Variants in TFG observed in about 807,000 individuals in gnomAD.
TFG encodes protein TFG.
In TFG, 22 loss-of-function variants were observed where a neutral mutation model predicts 51.4. That is an observed-to-expected ratio of 0.43 (90% CI 0.31 to 0.61). The LOEUF (loss-of-function observed/expected upper bound fraction) is 0.61. TFG is among the 20% of genes least tolerant of loss of function. The pLI, the probability that TFG is intolerant of heterozygous loss-of-function variation, is 0.12. For missense variants in TFG, 419 were observed against 487.7 expected, an observed-to-expected ratio of 0.86 and a Z score of 1.33; for synonymous variants, 187 against 165.6, an observed-to-expected ratio of 1.13 and a Z score of -0.99.
rs1284264562 is a variant in TFG, at chr3:100,709,572, G to C, written c.-193G>C. ...GTCAGCGCGATTGGCCGGGGCCCGC[G>C]CGAGCCTGCGAGCGAGGTGCGGCGG... On this transcript the variant is annotated 5_prime_UTR_variant, in exon 1 of 8. Transcript: ENST00000240851. The C allele has an allele frequency of 1.3e-5, 2 of 151,826 alleles. No homozygotes were observed. The highest frequency in any genetic ancestry group is 2.9e-5 in the Non-Finnish European group (2 of 67,990). The allele number at this position is 151,826 out of a possible 1,614,324, so 9.4% of individuals were successfully genotyped here.
At chr3:100,710,007 G>A (rs1413730996) in intron 1 of TFG, 4 of 152,144 alleles carry the variant, frequency 2.6e-5, no homozygotes, top group Non-Finnish European at 4.4e-5. Context: ...GCGCCTGGGG[G>A]GCTCCGGGAG....
At chr3:100,743,856 G>A (rs2095128122) in intron 6 of TFG, 1 of 151,056 alleles carries the variant, frequency 6.6e-6, no homozygotes, top group African/African-American at 2.4e-5. Flanking sequence ...ATAGTCTTTT[G>A]ATTAATAGGT....
chr3:100,745,879 A>C (rs1465819622), intron 7 of TFG, among the ~76,000 whole-genome samples: 1 of 152,186 alleles, frequency 6.6e-6, no homozygotes, highest in Non-Finnish European at 1.5e-5. Context: ...GGCAGAGTTG[A>C]GTAGTTGCAA....
intron 5 of TFG, among the ~76,000 whole-genome samples, chr3:100,733,960 AATT>A (rs1275371563): frequency 6.6e-6 from 1 of 152,186 alleles, no homozygotes; most frequent in East Asian, 1.9e-4. Context: ...GTTTTGAAAT[AATT>A]ATTGTTGGCT....
chr3:100,712,720 T>G (rs2095034526), intron 1 of TFG, among the ~76,000 whole-genome samples: 1 of 152,222 alleles, frequency 6.6e-6, no homozygotes, highest in African/African-American at 2.4e-5. Flanking sequence ...CAATAAAATG[T>G]TATAAATTTT....
chr3:100,733,826 A>G (rs912249897), intron 5 of TFG, among the ~76,000 whole-genome samples: 1 of 152,254 alleles, frequency 6.6e-6, no homozygotes, highest in Non-Finnish European at 1.5e-5. Flanking sequence ...CTCTAAAAGA[A>G]AAAGGTATTT....
chr3:100,734,101 A>T (rs1193411126), intron 5 of TFG, among the ~76,000 whole-genome samples: 1 of 147,754 alleles, frequency 6.8e-6, no homozygotes, highest in Non-Finnish European at 1.5e-5. Context: ...GCCTTTGTGT[A>T]GGCTTGTGGT....
chr3:100,729,241 T>C (rs893771335), intron 4 of TFG, among the ~76,000 whole-genome samples: 1 of 152,212 alleles, frequency 6.6e-6, no homozygotes, highest in Non-Finnish European at 1.5e-5. Flanking sequence ...ACCTTGGGAA[T>C]TGAAAATCAT....
chr3:100,717,781 G>A (rs13318765), intron 2 of TFG, among the ~76,000 whole-genome samples: 4,005 of 152,094 alleles, frequency 0.026, 176 homozygotes, highest in African/African-American at 0.091. Flanking sequence ...AAGGGTTTTG[G>A]TAGAGTTTTT....
At chr3:100,734,217 C>T (rs537758183) in intron 5 of TFG, among the ~76,000 whole-genome samples, 1 of 152,134 alleles carries the variant, frequency 6.6e-6, no homozygotes, top group East Asian at 1.9e-4. Flanking sequence ...GTTTTGATAA[C>T]TTTCACATAC....
intron 6 of TFG, among the ~76,000 whole-genome samples, chr3:100,736,940 T>C (rs925999062): frequency 6.6e-6 from 1 of 152,190 alleles, no homozygotes; most frequent in Non-Finnish European, 1.5e-5. Flanking sequence ...TCTATGAATA[T>C]AGATACAGAG....
At position 100,736,607 on chromosome 3, in the gene TFG, A is replaced by G. The variant is rs759899065; in HGVS notation, c.612A>G (p.Ser204=). Residue 204 remains serine (S), a synonymous_variant, in exon 6 of 8, where the codon TCA becomes TCG. Coordinates refer to ENST00000240851, the MANE Select transcript of TFG (RefSeq NM_006070.6). The part of the protein sequence containing the change: ...GPPSAPAEDR[S]GTPDSIASSS... ...CCAGTGCTCCTGCAGAAGATCGTTC[A>G]GGAACACCCGACAGCATTGCTTCCT... The G allele has an allele frequency of 1.9e-6, 3 of 1,613,976 alleles. No individual in the cohort carries two copies. Among genetic ancestry groups the G allele is most frequent in the Admixed American group, 3.3e-5 (2 of 59,940 alleles).
chr3:100,732,499 T>C lies in TFG; in HGVS notation c.416-9T>C, dbSNP rs115896544. On this transcript the variant is annotated splice_polypyrimidine_tract_variant and intron_variant, in intron 4 of 7. Coordinates refer to ENST00000240851, the MANE Select transcript of TFG (RefSeq NM_006070.6). The stretch of plus-strand genomic sequence containing the variant: ...AAACAAGTTTTTGTTTATTCCTCTA[T>C]TTTTACAGATACTGTGGATGGTAGG... 4,632 of 1,595,378 alleles carry C rather than the reference T, an allele frequency of 2.9e-3. 116 individuals are homozygous for C. The African/African-American group carries it at 0.056, about 19-fold the overall frequency.
At chr3:100,724,924 G>A (rs2095070792) in intron 3 of TFG, among the ~76,000 whole-genome samples, 1 of 152,098 alleles carries the variant, frequency 6.6e-6, no homozygotes, top group African/African-American at 2.4e-5. Flanking sequence ...TTTTTTGTGA[G>A]GCAGAGTCTC....
intron 3 of TFG, among the ~76,000 whole-genome samples, chr3:100,722,311 T>TA (rs1158518496): frequency 6.6e-5 from 10 of 152,094 alleles, no homozygotes; most frequent in Non-Finnish European, 1.2e-4. Context: ...TAGTCATAGC[T>TA]AAAAAGAGAA....
At chr3:100,714,991 G>GT (rs140172180) in intron 2 of TFG, among the ~76,000 whole-genome samples, 1,647 of 152,252 alleles carry the variant, frequency 0.011, 26 homozygotes, top group African/African-American at 0.038. Context: ...GGTTACCAGT[G>GT]TTTTTTACTG....
chr3:100,725,335 A>T (rs1471152677), intron 3 of TFG, among the ~76,000 whole-genome samples: 1 of 152,200 alleles, frequency 6.6e-6, no homozygotes, highest in Non-Finnish European at 1.5e-5. Context: ...GATACTTGGG[A>T]TAAATCTAAC....
rs201727842 is a variant in TFG at position 100,728,563 on chromosome 3, CT to C, written c.269-140del. 4.4e-3 allele frequency: 2,564 copies of C among 578,330 alleles called. 1 individual carries two copies. The highest frequency in any genetic ancestry group is 6.2e-3 in the Middle Eastern group (12 of 1,932). The allele number at this position is 578,330 out of a possible 1,614,324, so 35.8% of individuals were successfully genotyped here. A position where few individuals can be genotyped will look rare whatever the true frequency, so the allele number is the denominator to read the frequency against. On this transcript the variant is annotated intron_variant, in intron 3 of 7. Coordinates refer to ENST00000240851, the MANE Select transcript of TFG (RefSeq NM_006070.6). ...AATAAGTTATTAGCCATAGAGAATT[CT>C]TTTTTTTTAAAAAAAAAGTTACTCC...
At chr3:100,747,090 G>A (rs753936141) in intron 7 of TFG, among the ~76,000 whole-genome samples, 10 of 152,104 alleles carry the variant, frequency 6.6e-5, no homozygotes, top group Non-Finnish European at 1.2e-4. Context: ...TATTATCTTT[G>A]TATTTCTGAT....
Sources: gnomAD v4.1 joint callset for allele counts (sites outside exome capture counted in the v4.1 genomes callset) on GRCh38, gnomAD v4.1.1 for gene constraint, MANE v1.5 for transcripts, NCBI Gene and HGNC (gene_info 2026-07-23, HGNC 2026-07-21) for gene names.